Variants in EMP2 observed in about 807,000 individuals in gnomAD.
EMP2 encodes epithelial membrane protein 2.
Under a neutral mutation model 13.7 loss-of-function variants are expected in EMP2, and 19 were observed. That is an observed-to-expected ratio of 1.38 (90% CI 0.97 to 2.03). The LOEUF (loss-of-function observed/expected upper bound fraction) is 2.03, where lower values mean the gene tolerates loss of function less well. Among genes scored for constraint, EMP2 ranks in the 30% most tolerant of loss-of-function variants. The pLI is 0.00. For synonymous variants in EMP2, 97 were observed against 84.7 expected, an observed-to-expected ratio of 1.15 and a Z score of -0.80; for missense variants, 253 against 220.7, an observed-to-expected ratio of 1.15 and a Z score of -0.93.
Position 10,553,462 on chromosome 16 carries a change from C to T in EMP2, c.-60-5785G>A, listed in dbSNP as rs941722789. 3.0e-4 allele frequency among the ~76,000 whole-genome samples: 46 copies of T among 152,238 alleles called. 1 individual carries two copies. The highest frequency in any genetic ancestry group is 5.9e-4 in the Non-Finnish European group (40 of 68,044). The stretch of plus-strand genomic sequence containing the variant: ...GATTGGTGGAGTGCATTTATTCAGG[C>T]CCCGGTGCAGTGCTTTGCCCTTCCC... On this transcript the variant is annotated intron_variant, in intron 1 of 4. Coordinates refer to ENST00000359543, the MANE Select transcript of EMP2 (RefSeq NM_001424.6).
At chr16:10,570,662 T>C (rs1035079940) in intron 1 of EMP2, among the ~76,000 whole-genome samples, 3 of 152,112 alleles carry the variant, frequency 2.0e-5, no homozygotes, top group Non-Finnish European at 4.4e-5. Context: ...CCTCCCAAAG[T>C]GCTGGGATTA....
intron 1 of EMP2, among the ~76,000 whole-genome samples, chr16:10,556,364 G>C (rs956138210): frequency 6.6e-6 from 1 of 152,152 alleles, no homozygotes; most frequent in Non-Finnish European, 1.5e-5. Flanking sequence ...GCCTGCGGTT[G>C]GCCTGATTCT....
At chr16:10,560,463 G>A (rs984306050) in intron 1 of EMP2, among the ~76,000 whole-genome samples, 1 of 152,192 alleles carries the variant, frequency 6.6e-6, no homozygotes, top group African/African-American at 2.4e-5. Context: ...CAATTTGCAG[G>A]TGGCAGAGCC....
intron 3 of EMP2, among the ~76,000 whole-genome samples, chr16:10,541,241 A>AAAT (rs1186164717): frequency 7.2e-5 from 11 of 151,906 alleles, no homozygotes; most frequent in African/African-American, 2.7e-4. Flanking sequence ...TGTCTCCACT[A>AAAT]AATACAGTAG....
intron 1 of EMP2, among the ~76,000 whole-genome samples, chr16:10,549,260 C>G (rs1253005479): frequency 1.3e-5 from 2 of 152,154 alleles, no homozygotes; most frequent in East Asian, 1.9e-4. Flanking sequence ...AGTCTTACAA[C>G]AGAACTACAG....
At chr16:10,564,902 T>A (rs2050896741) in intron 1 of EMP2, among the ~76,000 whole-genome samples, 1 of 152,200 alleles carries the variant, frequency 6.6e-6, no homozygotes. Flanking sequence ...TATATTTTTA[T>A]AAAAGGCAAC....
At chr16:10,566,105 C>T (rs2050905408) in intron 1 of EMP2, among the ~76,000 whole-genome samples, 1 of 152,162 alleles carries the variant, frequency 6.6e-6, no homozygotes, top group Non-Finnish European at 1.5e-5. Context: ...GGGACCTCAC[C>T]ATTGCCAAGA....
At chr16:10,564,430 G>A (rs1197183518) in intron 1 of EMP2, among the ~76,000 whole-genome samples, 1 of 147,140 alleles carries the variant, frequency 6.8e-6, no homozygotes, top group East Asian at 2.0e-4. Flanking sequence ...GGTGGAGGTT[G>A]CAGTGAGCTG....
chr16:10,579,764 C>T (rs1163487983), intron 1 of EMP2, among the ~76,000 whole-genome samples: 3 of 151,256 alleles, frequency 2.0e-5, no homozygotes, highest in African/African-American at 7.3e-5. Flanking sequence ...AGGGGCAGTG[C>T]TCCCTTCCCC....
At chr16:10,563,577 G>A (rs1441571399) in intron 1 of EMP2, among the ~76,000 whole-genome samples, 3 of 152,128 alleles carry the variant, frequency 2.0e-5, no homozygotes, top group East Asian at 1.9e-4. Flanking sequence ...CATCACTGTC[G>A]ACAACTCAGC....
intron 1 of EMP2, 84 bp from the exon 2 acceptor site, chr16:10,547,761 C>G: frequency 1.3e-6 from 1 of 768,182 alleles, no homozygotes; most frequent in Non-Finnish European, 2.1e-6. Flanking sequence ...TTTAGCTGGG[C>G]GTGGTGGCTC....
At chr16:10,570,294 C>T (rs938592478) in intron 1 of EMP2, among the ~76,000 whole-genome samples, 1 of 150,330 alleles carries the variant, frequency 6.7e-6, no homozygotes, top group East Asian at 2.0e-4. Flanking sequence ...GGTGCAATCA[C>T]AGCTCACTGT....
At chr16:10,557,121 C>T (rs899236471) in intron 1 of EMP2, among the ~76,000 whole-genome samples, 4 of 152,108 alleles carry the variant, frequency 2.6e-5, no homozygotes, top group Non-Finnish European at 5.9e-5. Flanking sequence ...CTTTGGGAGG[C>T]TGAGGCGGGC....
chr16:10,566,982 G>A lies in EMP2; in HGVS notation c.-61+13567C>T, dbSNP rs547822741. On this transcript the variant is annotated intron_variant, in intron 1 of 4. Transcript: ENST00000359543. ...ATGTGCGTATCCCTCTTTCTGGAAT[G>A]TTCTTAGATCTTGGTGTAATTGACT... is the stretch of plus-strand genomic sequence containing the variant. Among the ~76,000 whole-genome samples the A allele has an allele frequency of 4.6e-5, 7 of 152,232 alleles. No individual in the cohort carries two copies. The East Asian group carries it at 1.2e-3, about 25-fold the overall frequency.
chr16:10,571,282 A>C (rs2050945557), intron 1 of EMP2, among the ~76,000 whole-genome samples: 1 of 146,066 alleles, frequency 6.8e-6, no homozygotes, highest in South Asian at 2.2e-4. Flanking sequence ...AAAAAAAAAA[A>C]AGAGTTGCAG....
At chr16:10,539,379 C>G (rs965568239) in intron 3 of EMP2, among the ~76,000 whole-genome samples, 29 of 152,068 alleles carry the variant, frequency 1.9e-4, no homozygotes, top group African/African-American at 6.8e-4. Flanking sequence ...ATTACGGTTG[C>G]TTGGAGAGCA....
At chr16:10,555,917 T>G (rs2050824171) in intron 1 of EMP2, among the ~76,000 whole-genome samples, 2 of 152,168 alleles carry the variant, frequency 1.3e-5, no homozygotes, top group South Asian at 4.1e-4. Flanking sequence ...TTTCAGCTGT[T>G]TCTACTCTTC....
rs915627893 is a variant in EMP2, at chr16:10,543,787, G to C, written c.79-127C>G. 4.7e-6 allele frequency: 4 copies of C among 856,286 alleles called. No individual in the cohort carries two copies. The African/African-American group carries it at 6.7e-5, about 14-fold the overall frequency. The allele number at this position is 856,286 out of a possible 1,614,324, so 53.0% of individuals were successfully genotyped here. A position where few individuals can be genotyped will look rare whatever the true frequency, so the allele number is the denominator to read the frequency against. On this transcript the variant is annotated intron_variant, in intron 2 of 4. Transcript: ENST00000359543. The stretch of plus-strand genomic sequence containing the variant: ...ACTGCAACACATGTGAGAATTGCCT[G>C]AGGAGCTTATTCTAATGCAGACTGA...
chr16:10,535,872 T>C (rs1033329425), intron 4 of EMP2, among the ~76,000 whole-genome samples: 1 of 152,192 alleles, frequency 6.6e-6, no homozygotes, highest in Non-Finnish European at 1.5e-5. Flanking sequence ...GCATTCTCCC[T>C]TTAGGCCTCA....
Sources: allele counts gnomAD v4.1 joint callset (sites outside exome capture counted in the v4.1 genomes callset), GRCh38; gene constraint gnomAD v4.1.1; transcripts MANE v1.5; gene names NCBI Gene and HGNC (gene_info 2026-07-23, HGNC 2026-07-21).